SYTL5: variants seen among roughly 807,000 people sequenced by gnomAD.
SYTL5 encodes the protein synaptotagmin like 5.
SYTL5 carries 34 observed loss-of-function variants against 55.9 expected under a neutral mutation model. The observed-to-expected ratio is 0.61, with a 90% confidence interval of 0.46 to 0.81. The LOEUF (loss-of-function observed/expected upper bound fraction) is 0.81, where lower values mean the gene tolerates loss of function less well. Ranked by LOEUF, SYTL5 falls within the 30% of genes least tolerant of loss-of-function variation. The pLI is 0.00. For synonymous variants in SYTL5, 221 were observed against 188.7 expected (o/e 1.17, Z -1.40); for missense variants, 637 against 546.7 (o/e 1.17, Z -1.65).
the SYTL5 span, among the ~76,000 whole-genome samples, chrX:37,952,590 G>T: frequency 2.7e-5 from 3 of 111,155 alleles, no homozygotes; most frequent in African/African-American, 9.8e-5. Flanking sequence ...GAGGGCCAGG[G>T]ATTGCTTTCT....
chrX:38,097,194 A>G (rs1239249532), intron 9 of SYTL5, among the ~76,000 whole-genome samples: 1 of 111,230 alleles, frequency 9.0e-6, no homozygotes, highest in Non-Finnish European at 1.9e-5. Context: ...AATAGCAATA[A>G]GTAAGTTTTA....
chrX:37,983,362 C>T, the SYTL5 span, among the ~76,000 whole-genome samples: 1 of 111,584 alleles, frequency 9.0e-6, no homozygotes, highest in African/African-American at 3.2e-5. Context: ...CAAATAACCA[C>T]AAGAAAGCTG....
upstream of SYTL5, chrX:38,006,516 T>C (rs1163599425): frequency 8.9e-6 from 1 of 111,889 alleles, no homozygotes; most frequent in Admixed American, 9.5e-5. Flanking sequence ...ACTGGGTGTG[T>C]TCAATGTGTA....
intron 6 of SYTL5, among the ~76,000 whole-genome samples, chrX:38,082,742 A>G (rs1310659599): frequency 8.9e-6 from 1 of 112,484 alleles, no homozygotes; most frequent in Non-Finnish European, 1.9e-5. Context: ...AGAAATGAGG[A>G]GGACTTGGCC....
intron 3 of SYTL5, among the ~76,000 whole-genome samples, chrX:38,069,296 G>A (rs1936190125): frequency 8.9e-6 from 1 of 111,885 alleles, no homozygotes; most frequent in Admixed American, 9.5e-5. Context: ...TCACAGTTTT[G>A]GAGCTCAAAC....
chrX:37,907,523 A>G, the SYTL5 span, among the ~76,000 whole-genome samples: 3 of 111,604 alleles, frequency 2.7e-5, no homozygotes, highest in African/African-American at 9.8e-5. Flanking sequence ...TAACTCCTCT[A>G]CTCTACATAC....
At chrX:37,994,997 C>T in the SYTL5 span, among the ~76,000 whole-genome samples, 5 of 110,930 alleles carry the variant, frequency 4.5e-5, no homozygotes, top group South Asian at 3.9e-4. Context: ...AGAGCTGAAG[C>T]GGGGGAAGGG....
At chrX:38,089,943 C>T (rs1272448924) in intron 7 of SYTL5, among the ~76,000 whole-genome samples, 1 of 111,721 alleles carries the variant, frequency 9.0e-6, no homozygotes, top group Non-Finnish European at 1.9e-5. Context: ...GACACCCAGT[C>T]TCTGAAATTC....
the SYTL5 span, among the ~76,000 whole-genome samples, chrX:37,954,294 G>A: frequency 1.8e-5 from 2 of 111,665 alleles, no homozygotes; most frequent in East Asian, 5.6e-4. Context: ...GAATTCACAG[G>A]TGATTAGGCT....
At chrX:37,931,413 T>G in the SYTL5 span, among the ~76,000 whole-genome samples, 2 of 111,939 alleles carry the variant, frequency 1.8e-5, no homozygotes, top group Non-Finnish European at 3.8e-5. Context: ...TTTTCTAGCA[T>G]TAAGTTTTGT....
chrX:37,927,205 C>A, the SYTL5 span, among the ~76,000 whole-genome samples: 11 of 112,063 alleles, frequency 9.8e-5, no homozygotes, highest in Non-Finnish European at 1.7e-4. Flanking sequence ...TTATGCCATT[C>A]CATTCCTCAA....
At chrX:38,021,970 T>C (rs1934567988) in intron 1 of SYTL5, among the ~76,000 whole-genome samples, 1 of 112,443 alleles carries the variant, frequency 8.9e-6, no homozygotes, top group Admixed American at 9.4e-5. Flanking sequence ...AAGGATCAGG[T>C]TGTTTGTTAC....
chrX:38,103,929 G>A (rs1182293930), intron 10 of SYTL5, among the ~76,000 whole-genome samples: 2 of 111,543 alleles, frequency 1.8e-5, no homozygotes, highest in African/African-American at 3.3e-5. Context: ...TGCTACAAGT[G>A]AAAGAAATTG....
chrX:37,954,707 T>C, the SYTL5 span, among the ~76,000 whole-genome samples: 1 of 111,467 alleles, frequency 9.0e-6, no homozygotes, highest in East Asian at 2.8e-4. Flanking sequence ...TTTAATTGTG[T>C]TTTATGTTGT....
upstream of SYTL5, among the ~76,000 whole-genome samples, chrX:38,001,708 A>G (rs1933863358): frequency 9.0e-6 from 1 of 111,285 alleles, no homozygotes; most frequent in South Asian, 3.8e-4. Context: ...TGATGGACAT[A>G]TAGGTTGTTT....
At chrX:38,095,995 C>T (rs888970451) in intron 8 of SYTL5, 139 bp from the exon 9 acceptor site, 24 of 365,838 alleles carry the variant, frequency 6.6e-5, no homozygotes, top group Non-Finnish European at 9.0e-5. Context: ...TTACTGACTC[C>T]GACTGTTGCT....
intron 6 of SYTL5, among the ~76,000 whole-genome samples, chrX:38,084,529 G>T (rs1228556245): frequency 9.0e-6 from 1 of 110,987 alleles, no homozygotes; most frequent in Non-Finnish European, 1.9e-5. Context: ...CACTCTCTTT[G>T]AATAGATAGT....
intron 3 of SYTL5, among the ~76,000 whole-genome samples, chrX:38,057,796 A>G (rs921859599): frequency 9.0e-6 from 1 of 111,634 alleles, no homozygotes; most frequent in African/African-American, 3.2e-5. Flanking sequence ...ATGGATTTCA[A>G]CATAATCTTT....
chrX:38,123,283 G>C (rs758555113), intron 15 of SYTL5, among the ~76,000 whole-genome samples: 3 of 111,520 alleles, frequency 2.7e-5, no homozygotes, highest in Non-Finnish European at 3.8e-5. Flanking sequence ...GGGATTACAG[G>C]TATTTTTATT....
Sources: allele counts gnomAD v4.1 joint callset (sites outside exome capture counted in the v4.1 genomes callset), GRCh38; gene constraint gnomAD v4.1.1; transcripts MANE v1.5; gene names NCBI Gene and HGNC (gene_info 2026-07-23, HGNC 2026-07-21).